The following AGR3 variants were observed in gnomAD, a reference collection of about 807,000 sequenced individuals.
The protein encoded by AGR3 is anterior gradient 3, protein disulphide isomerase family member, also known as anterior gradient protein 3.
In AGR3, 37 loss-of-function variants were observed where a neutral mutation model predicts 24.5. That is an observed-to-expected ratio of 1.51 (90% CI 1.16 to 1.99). The LOEUF (loss-of-function observed/expected upper bound fraction) is 1.99, where lower values mean the gene tolerates loss of function less well. Among genes scored for constraint, AGR3 ranks in the 30% most tolerant of loss-of-function variants. AGR3 has a pLI of 0.00. For synonymous variants in AGR3, 75 were observed against 61.6 expected, an observed-to-expected ratio of 1.22 and a Z score of -1.02; for missense variants, 228 against 191.1, an observed-to-expected ratio of 1.19 and a Z score of -1.14.
intron 2 of AGR3, among the ~76,000 whole-genome samples, chr7:16,878,267 A>C (rs900503855): frequency 8.5e-5 from 13 of 152,188 alleles, no homozygotes; most frequent in Non-Finnish European, 1.8e-4. Context: ...ACAGCGAGCC[A>C]ATTCTCCATT....
intron 2 of AGR3, among the ~76,000 whole-genome samples, chr7:16,877,158 A>T (rs1781999744): frequency 6.6e-6 from 1 of 151,150 alleles, no homozygotes. Flanking sequence ...ATCTGTTAAG[A>T]AATGAATGTA....
Position 16,859,552 on chromosome 7 carries a change from T to C in AGR3, c.*30A>G, listed in dbSNP as rs561901147. ...GGTTTTCTTCATGAAATTTGACTTC[T>C]TTGAAGTGAAGGCTTTTTTCCATCA... is the stretch of plus-strand genomic sequence containing the variant. On this transcript the variant is annotated 3_prime_UTR_variant, in exon 8 of 8. Transcript: ENST00000310398. 2 of 1,494,610 alleles carry C rather than the reference T, an allele frequency of 1.3e-6. No homozygotes were observed. Among genetic ancestry groups the C allele is most frequent in the Admixed American group, 3.7e-5 (2 of 53,500 alleles). The allele number at this position is 1,494,610 out of a possible 1,614,324, so 92.6% of individuals were successfully genotyped here.
At chr7:16,860,894 C>T (rs1781628441) in intron 6 of AGR3, among the ~76,000 whole-genome samples, 1 of 152,172 alleles carries the variant, frequency 6.6e-6, no homozygotes, top group African/African-American at 2.4e-5. Context: ...TATGTGTGAA[C>T]ATTCACTATT....
chr7:16,865,754 T>C, intron 3 of AGR3: 2 of 754,738 alleles, frequency 2.6e-6, no homozygotes, highest in South Asian at 2.8e-5. Context: ...GGGAAACATA[T>C]GGAAGCTTGA....
intron 3 of AGR3, among the ~76,000 whole-genome samples, chr7:16,870,305 T>C (rs1781840718): frequency 6.6e-6 from 1 of 152,048 alleles, no homozygotes; most frequent in South Asian, 2.1e-4. Flanking sequence ...AATATTTAAA[T>C]TTTTTTAGTT....
chr7:16,859,678 C>A, intron 7 of AGR3, 47 bp from the exon 8 acceptor site: 1 of 1,245,064 alleles, frequency 8.0e-7, no homozygotes, highest in South Asian at 1.4e-5. Context: ...AATGAAAGTA[C>A]AAATGCTATG....
chr7:16,863,253 A>G (rs1196024336), intron 3 of AGR3, among the ~76,000 whole-genome samples: 1 of 152,234 alleles, frequency 6.6e-6, no homozygotes, highest in Non-Finnish European at 1.5e-5. Context: ...ATTATGAACA[A>G]TGTATTCATT....
At chr7:16,864,380 G>A (rs2115302215) in intron 3 of AGR3, 1 of 1,303,574 alleles carries the variant, frequency 7.7e-7, no homozygotes, top group Non-Finnish European at 1.1e-6. Flanking sequence ...TGACTCAGAG[G>A]AAGAGACCAG....
chr7:16,860,458 G>A (rs761975630), intron 7 of AGR3, 42 bp downstream of exon 7: 1 of 1,429,756 alleles, frequency 7.0e-7, no homozygotes, highest in South Asian at 1.1e-5. Context: ...ATAGTCAGGG[G>A]TCAGCTATGA....
chr7:16,873,633 C>T, intron 3 of AGR3, 147 bp downstream of exon 3: 2 of 625,836 alleles, frequency 3.2e-6, no homozygotes, highest in East Asian at 5.5e-5. Context: ...TGATATGTTT[C>T]AGGTGATGCA....
Position 16,864,511 on chromosome 7 carries a change from G to C in AGR3, c.174-1849C>G, listed in dbSNP as rs115670282. ...CATTCCATGTTCCCTGTCAGTCAGG[G>C]CTTCCATTTTCAGTCTTCCGAAGTG... On this transcript the variant is annotated intron_variant, in intron 3 of 7. Coordinates refer to ENST00000310398, the MANE Select transcript of AGR3 (RefSeq NM_176813.5). 1.7e-3 allele frequency: 2,137 copies of C among 1,269,566 alleles called. 31 individuals are homozygous for C. The African/African-American group carries it at 0.028, about 17-fold the overall frequency. 78.6% of individuals were successfully genotyped at this position (1,269,566 alleles called of 1,614,324 possible). A position where few individuals can be genotyped will look rare whatever the true frequency, so the allele number is the denominator to read the frequency against.
At chr7:16,862,788 A>G in intron 3 of AGR3, 126 bp from the exon 4 acceptor site, 1 of 626,314 alleles carries the variant, frequency 1.6e-6, no homozygotes, top group Non-Finnish European at 2.8e-6. Flanking sequence ...TTTACAAATC[A>G]TAGCACTATA....
intron 3 of AGR3, among the ~76,000 whole-genome samples, chr7:16,870,195 T>G (rs1013177176): frequency 2.0e-5 from 3 of 152,070 alleles, no homozygotes; most frequent in African/African-American, 7.2e-5. Context: ...AATGAGGTAT[T>G]TAACAAGTTT....
intron 2 of AGR3, among the ~76,000 whole-genome samples, chr7:16,877,884 AT>A (rs1254854497): frequency 6.8e-6 from 1 of 146,492 alleles, no homozygotes; most frequent in African/African-American, 2.5e-5. Context: ...AAAAGAGAGA[AT>A]TTTTTTTAAT....
intron 1 of AGR3, among the ~76,000 whole-genome samples, chr7:16,880,054 C>CTTCCATTTCCTTCCTTCCCCTTCCTTCT (rs1782074893): frequency 7.1e-6 from 1 of 140,832 alleles, no homozygotes; most frequent in Non-Finnish European, 1.6e-5. Context: ...CCCTCCTTCC[C>CTTCCATTTCCTTCCTTCCCCTTCCTTCT]TTCCCCTTCC....
rs916376573 is a variant in AGR3, at chr7:16,865,697, G to A, written c.174-3035C>T. The stretch of plus-strand genomic sequence containing the variant: ...AAGCATTTGTAACTTGTTATACTTT[G>A]TTGCTCTTAGTAGAAACTCTTTGCA... On this transcript the variant is annotated intron_variant, in intron 3 of 7. Coordinates refer to ENST00000310398, the MANE Select transcript of AGR3 (RefSeq NM_176813.5). 3.8e-6 allele frequency: 3 copies of A among 783,312 alleles called. No homozygotes were observed. In the African/African-American group the frequency reaches 5.1e-5, roughly 13 times the overall value. The allele number at this position is 783,312 out of a possible 1,614,324, so 48.5% of individuals were successfully genotyped here. A position where few individuals can be genotyped will look rare whatever the true frequency, so the allele number is the denominator to read the frequency against.
chr7:16,868,913 G>T (rs1006643646), intron 3 of AGR3, among the ~76,000 whole-genome samples: 1 of 152,184 alleles, frequency 6.6e-6, no homozygotes, highest in South Asian at 2.1e-4. Context: ...GGTCAGAAAA[G>T]ATAGTTGATA....
intron 3 of AGR3, among the ~76,000 whole-genome samples, chr7:16,867,418 T>C (rs1781778805): frequency 6.6e-6 from 1 of 152,180 alleles, no homozygotes; most frequent in South Asian, 2.1e-4. Context: ...ATATTTATGG[T>C]GTACAGTATG....
intron 4 of AGR3, among the ~76,000 whole-genome samples, chr7:16,862,273 G>T (rs935451499): frequency 6.6e-6 from 1 of 152,174 alleles, no homozygotes. Context: ...TCACAGTGAA[G>T]ACACTAGTTT....
Sources: gnomAD v4.1 joint callset for allele counts (sites outside exome capture counted in the v4.1 genomes callset) on GRCh38, gnomAD v4.1.1 for gene constraint, MANE v1.5 for transcripts, NCBI Gene and HGNC (gene_info 2026-07-23, HGNC 2026-07-21) for gene names.